MAP4K5: variants seen among roughly 807,000 people sequenced by gnomAD.
MAP4K5 encodes mitogen-activated protein kinase kinase kinase kinase 5, also known as MAPK/ERK kinase kinase kinase 5.
MAP4K5 carries 82 observed loss-of-function variants against 135.6 expected under a neutral mutation model. The ratio of observed to expected loss-of-function variants is 0.60; its 90% CI spans 0.51 to 0.73. The LOEUF is 0.73. Ranked by LOEUF, MAP4K5 falls within the 30% of genes least tolerant of loss-of-function variation. The probability of loss-of-function intolerance (pLI) is 0.00; values close to 1 mark genes in which losing one functional copy is unlikely to be tolerated. For missense variants in MAP4K5, 907 were observed against 1,010.9 expected (o/e 0.90, Z 1.39); for synonymous variants, 347 against 335.0 (o/e 1.04, Z -0.39).
At chr14:50,471,541 C>A (rs747739973) in intron 9 of MAP4K5, among the ~76,000 whole-genome samples, 35 of 151,944 alleles carry the variant, frequency 2.3e-4, no homozygotes, top group Admixed American at 2.6e-4. Flanking sequence ...CTCTGCAGTT[C>A]TTTTCAAAAA....
At chr14:50,422,603 CAGT>C (rs1400049826) in intron 32 of MAP4K5, among the ~76,000 whole-genome samples, 1 of 151,790 alleles carries the variant, frequency 6.6e-6, no homozygotes, top group Non-Finnish European at 1.5e-5. Flanking sequence ...AAGAAGTAGG[CAGT>C]AGATTTTGGA....
At position 50,560,335 on chromosome 14, in the gene MAP4K5, GGGTCTTCT is replaced by G. The variant is rs752441165; in HGVS notation, c.-180+697_-180+704del. ...AATGAGAACTTCTGCAGCCTGCACG[GGGTCTTCT>G]GGCCCTCCACTTTCTGCTTCTGTGG... On this transcript the variant is annotated intron_variant, in intron 1 of 8. Transcript: ENST00000555216. The G allele has an allele frequency of 1.2e-6, 2 of 1,610,222 alleles. 1 individual carries two copies. Among genetic ancestry groups the G allele is most frequent in the Non-Finnish European group, 1.7e-6 (2 of 1,178,236 alleles).
chr14:50,458,360 GCCC>G (rs1179961141), intron 13 of MAP4K5, among the ~76,000 whole-genome samples: 1 of 151,822 alleles, frequency 6.6e-6, no homozygotes, highest in Admixed American at 6.6e-5. Flanking sequence ...TTCAAGCAAT[GCCC>G]CCCACCACAC....
At chr14:50,490,093 G>C (rs2037449151) in intron 3 of MAP4K5, among the ~76,000 whole-genome samples, 1 of 148,872 alleles carries the variant, frequency 6.7e-6, no homozygotes. Flanking sequence ...GTGTGTGAGA[G>C]AGAGAGACAG....
At chr14:50,503,286 T>C (rs1031646852) in intron 3 of MAP4K5, among the ~76,000 whole-genome samples, 1 of 152,010 alleles carries the variant, frequency 6.6e-6, no homozygotes, top group African/African-American at 2.4e-5. Context: ...AATACTAAGA[T>C]CACATCATCA....
chr14:50,494,782 T>C (rs1478970152), intron 3 of MAP4K5, among the ~76,000 whole-genome samples: 3 of 152,044 alleles, frequency 2.0e-5, no homozygotes, highest in Admixed American at 6.6e-5. Flanking sequence ...CCTCATGTAG[T>C]ATATATGGTC....
chr14:50,481,773 GAAGTA>G (rs1276382956), intron 6 of MAP4K5, among the ~76,000 whole-genome samples: 6 of 152,130 alleles, frequency 3.9e-5, no homozygotes, highest in African/African-American at 1.2e-4. Flanking sequence ...CACAGGCCCT[GAAGTA>G]AAGAAACCTG....
At chr14:50,471,342 G>A (rs1017281203) in intron 9 of MAP4K5, among the ~76,000 whole-genome samples, 2 of 152,142 alleles carry the variant, frequency 1.3e-5, no homozygotes, top group African/African-American at 4.8e-5. Flanking sequence ...GTCAAGTGAA[G>A]CAGTGAGAGT....
intron 27 of MAP4K5, 71 bp from the exon 28 acceptor site, chr14:50,434,642 G>T: frequency 7.3e-7 from 1 of 1,362,040 alleles, no homozygotes; most frequent in African/African-American, 1.5e-5. Context: ...GTTGAATAAA[G>T]TCAACAGAAA....
At chr14:50,560,045 A>T (rs1206664892) in intron 1 of MAP4K5, 1 of 598,176 alleles carries the variant, frequency 1.7e-6, no homozygotes, top group Non-Finnish European at 3.0e-6. Flanking sequence ...TGACGCTGGT[A>T]TCTGTGTGAA....
At chr14:50,484,090 A>G (rs2037312704) in intron 5 of MAP4K5, among the ~76,000 whole-genome samples, 1 of 152,038 alleles carries the variant, frequency 6.6e-6, no homozygotes, top group South Asian at 2.1e-4. Flanking sequence ...CAAACTCCCG[A>G]CCTTGGCCTC....
intron 6 of MAP4K5, among the ~76,000 whole-genome samples, chr14:50,479,573 T>C (rs768056734): frequency 1.3e-5 from 2 of 152,160 alleles, no homozygotes; most frequent in African/African-American, 2.4e-5. Flanking sequence ...CTTGGGCCTT[T>C]TTTATACCTT....
chr14:50,480,931 T>C (rs1595494488), intron 6 of MAP4K5, among the ~76,000 whole-genome samples: 1 of 152,182 alleles, frequency 6.6e-6, no homozygotes, highest in East Asian at 1.9e-4. Context: ...ATTATAACCT[T>C]ATGGGACCAC....
chr14:50,502,442 G>C (rs1196558128), intron 3 of MAP4K5, among the ~76,000 whole-genome samples: 2 of 152,112 alleles, frequency 1.3e-5, no homozygotes, highest in East Asian at 3.8e-4. Context: ...ATTAGACAGT[G>C]TAAGAGGGAA....
chr14:50,480,018 C>G (rs115208912), intron 6 of MAP4K5, among the ~76,000 whole-genome samples: 5,229 of 152,186 alleles, frequency 0.034, 272 homozygotes, highest in African/African-American at 0.11. Flanking sequence ...ATTTTGCCTA[C>G]TTTATTTGAT....
At chr14:50,468,426 G>A (rs2036880401) in intron 10 of MAP4K5, 2 of 499,556 alleles carry the variant, frequency 4.0e-6, no homozygotes, top group Non-Finnish European at 3.5e-6. Context: ...GTAGTGAGAA[G>A]GAGAAAAGCA....
intron 1 of MAP4K5, among the ~76,000 whole-genome samples, chr14:50,548,788 G>C (rs1257308832): frequency 6.6e-6 from 1 of 152,118 alleles, no homozygotes; most frequent in Non-Finnish European, 1.5e-5. Context: ...GGGATTACAG[G>C]TGTGAGCCAC....
At chr14:50,518,920 G>A (rs2038090457) in intron 2 of MAP4K5, among the ~76,000 whole-genome samples, 1 of 152,050 alleles carries the variant, frequency 6.6e-6, no homozygotes, top group African/African-American at 2.4e-5. Flanking sequence ...AATTTTTTTG[G>A]AGAATAATTG....
At chr14:50,520,206 T>G (rs967675461) in intron 2 of MAP4K5, among the ~76,000 whole-genome samples, 4 of 150,608 alleles carry the variant, frequency 2.7e-5, no homozygotes, top group Non-Finnish European at 5.9e-5. Flanking sequence ...CTATTAAAAA[T>G]ACAAAAATTT....
Sources: allele counts gnomAD v4.1 joint callset (sites outside exome capture counted in the v4.1 genomes callset), GRCh38; gene constraint gnomAD v4.1.1; transcripts MANE v1.5; gene names NCBI Gene and HGNC (gene_info 2026-07-23, HGNC 2026-07-21).